The following CABIN1 variants were observed in gnomAD, a reference collection of about 807,000 sequenced individuals.
The protein encoded by CABIN1 is calcineurin-binding protein cabin-1.
Under a neutral mutation model 227.7 loss-of-function variants are expected in CABIN1, and 133 were observed. That is an observed-to-expected ratio of 0.58 (90% CI 0.51 to 0.67). The LOEUF (loss-of-function observed/expected upper bound fraction) is 0.67, where lower values mean the gene tolerates loss of function less well. Among genes scored for constraint, CABIN1 ranks in the 30% least tolerant of loss-of-function variants. The pLI is 0.00. For missense variants in CABIN1, 2,408 were observed against 2,852.5 expected, an observed-to-expected ratio of 0.84 and a Z score of 3.55; for synonymous variants, 1,086 against 1,155.1, an observed-to-expected ratio of 0.94 and a Z score of 1.21.
chr22:24,013,179 T>C (rs1341204626), intron 1 of CABIN1, among the ~76,000 whole-genome samples: 1 of 147,066 alleles, frequency 6.8e-6, no homozygotes. Context: ...ATAATCAAAA[T>C]GGTTATTTCT....
intron 26 of CABIN1, chr22:24,103,443 G>A (rs1277479998): frequency 6.6e-6 from 1 of 152,210 alleles, no homozygotes; most frequent in African/African-American, 2.4e-5. Flanking sequence ...TGGGTCCTGT[G>A]TCTTCAGCCC....
chr22:24,069,437 GTTTA>G (rs1197363618), intron 16 of CABIN1, among the ~76,000 whole-genome samples: 1 of 152,126 alleles, frequency 6.6e-6, no homozygotes, highest in Non-Finnish European at 1.5e-5. Context: ...ATTCATTGGT[GTTTA>G]TTCTACTTTT....
rs747411932 is a variant in CABIN1 at position 24,166,920 on chromosome 22, G to A, written c.5289G>A (p.Thr1763=). The change falls in exon 32 of 37, where the codon ACG becomes ACA. Residue 1763 remains threonine (T), a synonymous_variant. Transcript: ENST00000263119. ...CAGGGCCCACTGAGCCCATGGACAC[G>A]AGTGAGGCCACTGTTTGCCACTCAG... is the stretch of plus-strand genomic sequence containing the variant. ...PRAGPTEPMD[T]SEATVCHSDL... The A allele has an allele frequency of 1.0e-5, 16 of 1,605,956 alleles. No individual in the cohort carries two copies. Among genetic ancestry groups the A allele is most frequent in the East Asian group, 2.2e-5 (1 of 44,470 alleles).
At chr22:24,161,983 C>T (rs137898227) in intron 29 of CABIN1, 1 of 152,280 alleles carries the variant, frequency 6.6e-6, no homozygotes, top group Admixed American at 6.5e-5. Flanking sequence ...TGGCTACTGC[C>T]CCTCTGTGGG....
chr22:24,171,477 A>G (rs1248372419), intron 33 of CABIN1, among the ~76,000 whole-genome samples: 1 of 152,176 alleles, frequency 6.6e-6, no homozygotes, highest in Non-Finnish European at 1.5e-5. Flanking sequence ...ACATTCTCCC[A>G]GGGAGGGGTT....
At chr22:24,062,855 T>G in intron 13 of CABIN1, 104 bp from the exon 14 acceptor site, 6 of 1,096,380 alleles carry the variant, frequency 5.5e-6, no homozygotes, top group South Asian at 1.2e-5. Context: ...AGGGTGCCCC[T>G]GGAGATAGGG....
intron 28 of CABIN1, among the ~76,000 whole-genome samples, chr22:24,129,650 C>CCCTT (rs1334324620): frequency 1.3e-5 from 2 of 152,236 alleles, no homozygotes; most frequent in Non-Finnish European, 2.9e-5. Flanking sequence ...TGTGTCCCTG[C>CCCTT]CCTTATAGGG....
intron 18 of CABIN1, among the ~76,000 whole-genome samples, chr22:24,073,660 C>G (rs1388142485): frequency 6.6e-6 from 1 of 152,088 alleles, no homozygotes; most frequent in Non-Finnish European, 1.5e-5. Context: ...AGGAGGGCAC[C>G]TGATGCTGCC....
chr22:24,167,091 C>CT lies in CABIN1; in HGVS notation c.5460_5461insT (p.Ala1821CysfsTer57). The CT allele has an allele frequency of 6.5e-7, 1 of 1,544,196 alleles. No individual in the cohort carries two copies. On this transcript the variant is annotated frameshift_variant, in exon 32 of 37. Coordinates refer to ENST00000263119, the MANE Select transcript of CABIN1 (RefSeq NM_012295.4). LOFTEE classifies it high-confidence loss of function. ...CGCTCACCCCAGCCCAGCCAGCCCC[C>CT]GCCCCCGCCCCCGCCACCACCACAG...
chr22:24,083,763 A>C (rs1569185902), intron 20 of CABIN1, among the ~76,000 whole-genome samples: 1 of 152,174 alleles, frequency 6.6e-6, no homozygotes, highest in African/African-American at 2.4e-5. Context: ...CCCATCTCTA[A>C]AAACAAACAA....
intron 1 of CABIN1, among the ~76,000 whole-genome samples, chr22:24,023,490 A>T (rs1367224535): frequency 6.6e-6 from 1 of 152,168 alleles, no homozygotes; most frequent in East Asian, 1.9e-4. Context: ...ACCATTTTAC[A>T]TTCCTACCAG....
At position 24,050,834 on chromosome 22, in the gene CABIN1, G is replaced by T; in HGVS notation, c.666G>T (p.Ser222=). ...TCTCACATGCTTTTAGTGACATGTC[G>T]ATTCACGATGTTTCGGTGAGTGCAG... The part of the protein sequence containing the change: ...SLRMFLKCDM[S]IHDVSVSAAE... The change falls in exon 8 of 37, where the codon TCG becomes TCT. Residue 222 remains serine, a synonymous_variant. Coordinates refer to ENST00000263119, the MANE Select transcript of CABIN1 (RefSeq NM_012295.4). 1 of 1,614,110 alleles carries T rather than the reference G, an allele frequency of 6.2e-7. No individual in the cohort carries two copies. Among genetic ancestry groups the T allele is most frequent in the Non-Finnish European group, 8.5e-7 (1 of 1,180,026 alleles).
chr22:24,128,427 C>G (rs1372764737), intron 28 of CABIN1, among the ~76,000 whole-genome samples: 2 of 152,184 alleles, frequency 1.3e-5, no homozygotes, highest in African/African-American at 4.8e-5. Flanking sequence ...TCTACCAGGT[C>G]TAGCTATGGG....
At chr22:24,092,107 A>G (rs1008637585) in intron 24 of CABIN1, 1 of 537,850 alleles carries the variant, frequency 1.9e-6, no homozygotes, top group Non-Finnish European at 3.3e-6. Flanking sequence ...CACAGGTTCT[A>G]AGAACCTGAC....
At chr22:24,164,138 C>T (rs1398997785) in intron 29 of CABIN1, among the ~76,000 whole-genome samples, 1 of 152,212 alleles carries the variant, frequency 6.6e-6, no homozygotes, top group African/African-American at 2.4e-5. Context: ...GGGACAGGTC[C>T]AGCAAACATA....
intron 29 of CABIN1, among the ~76,000 whole-genome samples, chr22:24,136,766 CAGAA>C (rs1211489806): frequency 6.6e-6 from 1 of 150,882 alleles, no homozygotes; most frequent in Non-Finnish European, 1.5e-5. Flanking sequence ...CACACACACA[CAGAA>C]AGGCTCAGTG....
At chr22:24,169,073 G>A (rs373970790) in intron 33 of CABIN1, among the ~76,000 whole-genome samples, 4 of 151,774 alleles carry the variant, frequency 2.6e-5, no homozygotes, top group South Asian at 4.1e-4. Flanking sequence ...GGCTGGGGAG[G>A]GGGGGGCGGG....
chr22:24,168,940 T>G (rs1022704787), intron 33 of CABIN1, among the ~76,000 whole-genome samples: 7 of 152,042 alleles, frequency 4.6e-5, no homozygotes, highest in Non-Finnish European at 7.4e-5. Context: ...GGGGAGGACT[T>G]GTAGGGAGCA....
intron 10 of CABIN1, among the ~76,000 whole-genome samples, chr22:24,058,987 G>C (rs1315464679): frequency 6.6e-6 from 1 of 152,238 alleles, no homozygotes; most frequent in Non-Finnish European, 1.5e-5. Context: ...GCACATAGCT[G>C]GTGCTCGGTA....
Sources: allele counts gnomAD v4.1 joint callset (sites outside exome capture counted in the v4.1 genomes callset), GRCh38; gene constraint gnomAD v4.1.1; transcripts MANE v1.5; gene names NCBI Gene and HGNC (gene_info 2026-07-23, HGNC 2026-07-21).